The following PRRC2B variants were observed in gnomAD, a reference collection of about 807,000 sequenced individuals.
PRRC2B encodes protein PRRC2B.
PRRC2B carries 68 observed loss-of-function variants against 242.3 expected under a neutral mutation model. That is an observed-to-expected ratio of 0.28 (90% CI 0.23 to 0.34). PRRC2B has a LOEUF of 0.34. PRRC2B is among the 10% of genes least tolerant of loss of function. The pLI, the probability that PRRC2B is intolerant of heterozygous loss-of-function variation, is 1.00. For synonymous variants in PRRC2B, 1,228 were observed against 1,173.6 expected (o/e 1.05, Z -0.95); for missense variants, 2,835 against 2,954.8 (o/e 0.96, Z 0.94).
At position 131,486,110 on chromosome 9, in the gene PRRC2B, G is replaced by C. The variant is rs1238626313; in HGVS notation, c.5784G>C (p.Leu1928=). 1 of 1,613,078 alleles carries C rather than the reference G, an allele frequency of 6.2e-7. No individual in the cohort carries two copies. Among genetic ancestry groups the C allele is most frequent in the Non-Finnish European group, 8.5e-7 (1 of 1,179,464 alleles). The change falls in exon 26 of 32, where the codon CTG becomes CTC. Residue 1928 remains leucine (L), a synonymous_variant. Transcript: ENST00000683519. ...GCAGCCACCTCCCGCCCCTGTACCT[G>C]GATGGCCATGTGTTTGCAAGTCAGC... ...MPGSHLPPLY[L]DGHVFASQPR... is the part of the protein sequence containing the mutation.
At chr9:131,421,824 C>A (rs1421285425) in intron 1 of PRRC2B, among the ~76,000 whole-genome samples, 1 of 152,170 alleles carries the variant, frequency 6.6e-6, no homozygotes, top group Non-Finnish European at 1.5e-5. Context: ...ATCATCTGTA[C>A]AGTTGGCCAG....
At chr9:131,448,010 T>C in intron 9 of PRRC2B, 1 of 442,936 alleles carries the variant, frequency 2.3e-6, no homozygotes. Context: ...TAGCTTCTTT[T>C]GGTCTTTAGT....
chr9:131,447,867 G>T, intron 9 of PRRC2B, 63 bp downstream of exon 9: 1 of 1,515,366 alleles, frequency 6.6e-7, no homozygotes, highest in Non-Finnish European at 8.9e-7. Context: ...ACTTACCAGG[G>T]ATGGAAACCC....
intron 1 of PRRC2B, among the ~76,000 whole-genome samples, chr9:131,382,765 C>T (rs2131264850): frequency 6.6e-6 from 1 of 152,126 alleles, no homozygotes; most frequent in South Asian, 2.1e-4. Flanking sequence ...CTGCCTCAGC[C>T]TTCCAAGTAG....
intron 1 of PRRC2B, among the ~76,000 whole-genome samples, chr9:131,404,074 C>T (rs1340577055): frequency 6.6e-6 from 1 of 152,122 alleles, no homozygotes; most frequent in Non-Finnish European, 1.5e-5. Flanking sequence ...AGCCACCACA[C>T]CCAGCCATTT....
In PRRC2B at chr9:131,486,114, G is replaced by A. The variant is rs766288340; in HGVS notation, c.5788G>A (p.Gly1930Ser). ...CCACCTCCCGCCCCTGTACCTGGATGGCCATGTGTTTGCAAGTCAGCCCCG... is the reference window on the plus strand; with the variant it reads ...CCACCTCCCGCCCCTGTACCTGGATAGCCATGTGTTTGCAAGTCAGCCCCG... Reference protein sequence around the residue: ...GSHLPPLYLDGHVFASQPRLV... With the variant: ...GSHLPPLYLDSHVFASQPRLV... The change falls in exon 26 of 32, where the codon GGC becomes AGC. Residue 1930 changes from glycine to serine, a missense_variant. Gly to Ser is a moderately conservative substitution (Grantham distance 56). This residue lies in a region of PRRC2B where 574 missense variants were observed against 626.0 expected (regional missense o/e 0.92). Coordinates refer to ENST00000683519, the MANE Select transcript of PRRC2B (RefSeq NM_013318.4). 3.1e-6 allele frequency: 5 copies of A among 1,613,082 alleles called. No individual in the cohort carries two copies. Among genetic ancestry groups the A allele is most frequent in the Non-Finnish European group, 4.2e-6 (5 of 1,179,548 alleles).
intron 23 of PRRC2B, 81 bp downstream of exon 23, chr9:131,483,526 T>G: frequency 7.9e-7 from 1 of 1,273,360 alleles, no homozygotes; most frequent in Non-Finnish European, 1.1e-6. Flanking sequence ...CACATGTATT[T>G]CAGGCTGACC....
chr9:131,459,157 G>C lies in PRRC2B; in HGVS notation c.1212-7G>C, dbSNP rs1334943371. On this transcript the variant is annotated splice_polypyrimidine_tract_variant and splice_region_variant and intron_variant, in intron 10 of 31. Coordinates refer to ENST00000683519, the MANE Select transcript of PRRC2B (RefSeq NM_013318.4). ...AAAAACTTAACATCAAATGTGGTTT[G>C]TCCTAGGAACAGTTGGGACCCTAGG... is the stretch of plus-strand genomic sequence containing the variant. 8.1e-6 allele frequency: 13 copies of C among 1,612,418 alleles called. No homozygotes were observed. The highest frequency in any genetic ancestry group is 1.1e-5 in the Non-Finnish European group (13 of 1,178,760).
In PRRC2B at chr9:131,481,850, G is replaced by A. The variant is rs551118224; in HGVS notation, c.4983+42G>A. On this transcript the variant is annotated intron_variant, in intron 20 of 31. Transcript: ENST00000683519. Reference sequence around the variant, plus strand: ...CCCACATGCTGCCCCTGGGATGAGTGTGTGAGTGTGTGCTCACCATCCACA... The same window carrying A: ...CCCACATGCTGCCCCTGGGATGAGTATGTGAGTGTGTGCTCACCATCCACA... 4.5e-5 allele frequency: 68 copies of A among 1,498,848 alleles called. No homozygotes were observed. The East Asian group carries it at 1.5e-3, about 32-fold the overall frequency. 92.8% of individuals were successfully genotyped at this position (1,498,848 alleles called of 1,614,324 possible).
chr9:131,493,730 G>A (rs947794061), intron 30 of PRRC2B, among the ~76,000 whole-genome samples: 1 of 152,214 alleles, frequency 6.6e-6, no homozygotes, highest in Non-Finnish European at 1.5e-5. Flanking sequence ...AAAAACAAGG[G>A]TTCCCTGGTC....
chr9:131,378,078 AG>A (rs1235899151), intron 1 of PRRC2B, among the ~76,000 whole-genome samples: 3 of 152,114 alleles, frequency 2.0e-5, no homozygotes, highest in Non-Finnish European at 4.4e-5. Context: ...TGGGAGGCTG[AG>A]GCAGGTGGAT....
At chr9:131,424,385 G>C (rs530512823) in intron 1 of PRRC2B, among the ~76,000 whole-genome samples, 1 of 149,384 alleles carries the variant, frequency 6.7e-6, no homozygotes, top group South Asian at 2.2e-4. Context: ...GCAAAACTTG[G>C]TTAAAAGGTT....
In PRRC2B at chr9:131,388,239, C is replaced by CT. The variant is rs536012324; in HGVS notation, c.-56+14527dup. Among the ~76,000 whole-genome samples, 618 of 121,084 alleles carry CT rather than the reference C, an allele frequency of 5.1e-3. 20 individuals carry two copies. Among genetic ancestry groups the CT allele is most frequent in the Middle Eastern group, 0.018 (4 of 228 alleles). 79.4% of individuals were successfully genotyped at this position (121,084 alleles called of 152,430 possible). ...TTAATTTCATCAACTTTTACTTTTA[C>CT]TTTTTTTTTTTTTTTTTTTAGATGG... On this transcript the variant is annotated intron_variant, in intron 1 of 1. Transcript: ENST00000682525.
rs765769516 is a variant in PRRC2B, at chr9:131,474,494, G to C, written c.2365G>C (p.Gly789Arg). ...SFSASLGRAG[G>R]VSAQRDLFEE... is the part of the protein sequence containing the mutation. Reference sequence around the variant, plus strand: ...CTCTGCCTCACTCGGAAGGGCAGGGGGCGTAAGTGCTCAGCGCGATCTCTT... The same window carrying C: ...CTCTGCCTCACTCGGAAGGGCAGGGCGCGTAAGTGCTCAGCGCGATCTCTT... Residue 789 changes from glycine to arginine, a missense_variant, in exon 16 of 32, where the codon GGC (glycine) becomes CGC (arginine). This residue lies in a region of PRRC2B where 1,536 missense variants were observed against 1,483.1 expected (regional missense o/e 1.04). Coordinates refer to ENST00000683519, the MANE Select transcript of PRRC2B (RefSeq NM_013318.4). 6.2e-7 allele frequency: 1 copy of C among 1,613,946 alleles called. No individual in the cohort carries two copies. The highest frequency in any genetic ancestry group is 1.1e-5 in the South Asian group (1 of 91,080).
rs1838467413 is a variant in PRRC2B at position 131,439,046 on chromosome 9, G to C, written c.454G>C (p.Val152Leu). 2.5e-6 allele frequency: 4 copies of C among 1,613,678 alleles called. No homozygotes were observed. The African/African-American group carries it at 5.3e-5, about 22-fold the overall frequency. The change falls in exon 5 of 32, where the codon GTA becomes CTA. Residue 152 changes from valine (V) to leucine (L), a missense_variant. Val to Leu is a conservative substitution (Grantham distance 32). This residue lies in a region of PRRC2B where 626 missense variants were observed against 685.5 expected (regional missense o/e 0.91). Coordinates refer to ENST00000683519, the MANE Select transcript of PRRC2B (RefSeq NM_013318.4). ...KSWAQLNGKP[V>L]GHEGGLRGSS... ...ATGGGCACAGCTGAATGGAAAGCCA[G>C]TAGGACACGAAGGTGGTAAGTGCGC...
intron 1 of PRRC2B, among the ~76,000 whole-genome samples, chr9:131,381,062 T>C (rs995363338): frequency 2.6e-5 from 4 of 152,222 alleles, no homozygotes; most frequent in African/African-American, 2.4e-5. Flanking sequence ...CTACGCTACA[T>C]AGGGCAAGAC....
intron 1 of PRRC2B, among the ~76,000 whole-genome samples, chr9:131,398,401 T>A (rs768699790): frequency 3.3e-5 from 5 of 152,214 alleles, no homozygotes; most frequent in Non-Finnish European, 5.9e-5. Context: ...CAGCACTGAT[T>A]TGTGAAGCAT....
chr9:131,456,207 G>GAC (rs1943069803), intron 10 of PRRC2B, among the ~76,000 whole-genome samples: 1 of 9,326 alleles, frequency 1.1e-4, no homozygotes, highest in Admixed American at 2.4e-3. Flanking sequence ...TGTTAATTTT[G>GAC]TCTCTTTTTT....
At position 131,473,513 on chromosome 9, in the gene PRRC2B, A is replaced by G. The variant is rs1294160674; in HGVS notation, c.2113A>G (p.Met705Val). 6.3e-7 allele frequency: 1 copy of G among 1,597,722 alleles called. No homozygotes were observed. The highest frequency in any genetic ancestry group is 1.7e-5 in the Admixed American group (1 of 57,742). Residue 705 changes from methionine (M) to valine (V), a missense_variant, in exon 15 of 32, where the codon ATG becomes GTG. Met to Val is a conservative substitution (Grantham distance 21). Transcript: ENST00000683519. ...YPSALHPSGL[M>V]KPMMPQESLN... Reference sequence around the variant, plus strand: ...TCAGTCTTTGCCTTCTTCAGGACTGATGAAGCCCATGATGCCCCAGGAGTC... The same window carrying G: ...TCAGTCTTTGCCTTCTTCAGGACTGGTGAAGCCCATGATGCCCCAGGAGTC...
Sources: allele counts gnomAD v4.1 joint callset (sites outside exome capture counted in the v4.1 genomes callset), GRCh38; gene constraint gnomAD v4.1.1; regional missense constraint gnomAD v4.1.1; transcripts MANE v1.5; gene names NCBI Gene and HGNC (gene_info 2026-07-23, HGNC 2026-07-21).